The following PTPN13 variants were observed in gnomAD, a reference collection of about 807,000 sequenced individuals.
PTPN13 encodes protein tyrosine phosphatase non-receptor type 13, also known as tyrosine-protein phosphatase non-receptor type 13.
Under a neutral mutation model 284.0 loss-of-function variants are expected in PTPN13, and 191 were observed. That is an observed-to-expected ratio of 0.67 (90% CI 0.60 to 0.76). The LOEUF is 0.76. Among genes scored for constraint, PTPN13 ranks in the 30% least tolerant of loss-of-function variants. The pLI is 0.00. For missense variants in PTPN13, 2,797 were observed against 2,939.9 expected (o/e 0.95, Z 1.12); for synonymous variants, 986 against 1,022.3 (o/e 0.96, Z 0.68).
chr4:86,671,122 G>C (rs1216811347), intron 2 of PTPN13, among the ~76,000 whole-genome samples: 1 of 152,084 alleles, frequency 6.6e-6, no homozygotes, highest in East Asian at 1.9e-4. Context: ...TAAACATGCA[G>C]GTTTTTGACC....
At chr4:86,737,324 C>T (rs1735637324) in intron 15 of PTPN13, among the ~76,000 whole-genome samples, 1 of 151,908 alleles carries the variant, frequency 6.6e-6, no homozygotes, top group South Asian at 2.1e-4. Context: ...TACAGTTCAG[C>T]AATCACCTCC....
chr4:86,630,193 T>G (rs953130178), intron 1 of PTPN13, among the ~76,000 whole-genome samples: 2 of 152,180 alleles, frequency 1.3e-5, no homozygotes, highest in Non-Finnish European at 2.9e-5. Context: ...ATAAACACTT[T>G]AAACTGCATT....
intron 20 of PTPN13, among the ~76,000 whole-genome samples, chr4:86,753,835 T>A (rs1276318811): frequency 6.6e-6 from 1 of 152,112 alleles, no homozygotes; most frequent in African/African-American, 2.4e-5. Context: ...AGTCTTGGAC[T>A]CTTAAAGTTG....
chr4:86,700,311 C>A (rs996886046), intron 6 of PTPN13, among the ~76,000 whole-genome samples: 1 of 152,082 alleles, frequency 6.6e-6, no homozygotes, highest in Admixed American at 6.6e-5. Context: ...ATGAAATCTT[C>A]AGTGTTTATG....
At chr4:86,805,411 T>C in intron 44 of PTPN13, 42 bp downstream of exon 44, 1 of 1,241,628 alleles carries the variant, frequency 8.1e-7, no homozygotes, top group Non-Finnish European at 1.1e-6. Flanking sequence ...GTGATCAGTA[T>C]AATATTAATG....
At chr4:86,801,413 G>A (rs922602635) in intron 42 of PTPN13, among the ~76,000 whole-genome samples, 4 of 152,116 alleles carry the variant, frequency 2.6e-5, no homozygotes, top group African/African-American at 9.7e-5. Context: ...ATAATTTTTT[G>A]TAATGAGTTC....
rs1486470834 is a variant in PTPN13, at chr4:86,809,857, T to C, written c.7172T>C (p.Phe2391Ser). 6.2e-7 allele frequency: 1 copy of C among 1,614,032 alleles called. No homozygotes were observed. Among genetic ancestry groups the C allele is most frequent in the South Asian group, 1.1e-5 (1 of 91,082 alleles). The change falls in exon 46 of 48, where the codon TTT becomes TCT. Residue 2391 changes from phenylalanine (F) to serine (S), a missense_variant. Coordinates refer to ENST00000411767, the MANE Select transcript of PTPN13 (RefSeq NM_080683.3). ...TCTCAACCAGATGATCTGCTTACTT[T>C]TATCTCCTACATGAGACACATCCAC... ...TPSQPDDLLT[F>S]ISYMRHIHRS...
At chr4:86,716,021 A>G (rs1206024796) in intron 7 of PTPN13, among the ~76,000 whole-genome samples, 1 of 152,204 alleles carries the variant, frequency 6.6e-6, no homozygotes, top group African/African-American at 2.4e-5. Flanking sequence ...TTCTGTGTCA[A>G]TATTGGGGTA....
chr4:86,669,616 C>T (rs886254365), intron 2 of PTPN13, among the ~76,000 whole-genome samples: 1 of 152,084 alleles, frequency 6.6e-6, no homozygotes, highest in Non-Finnish European at 1.5e-5. Context: ...CTTTCACCTT[C>T]AGCAGTTCTG....
At chr4:86,792,644 A>G (rs9993492) in intron 40 of PTPN13, among the ~76,000 whole-genome samples, 15,149 of 152,266 alleles carry the variant, frequency 0.099, 875 homozygotes, top group Non-Finnish European at 0.11. Flanking sequence ...GAAGCCCATC[A>G]GAATAACAGC....
intron 2 of PTPN13, among the ~76,000 whole-genome samples, chr4:86,642,126 T>C (rs1723866222): frequency 6.6e-6 from 1 of 152,214 alleles, no homozygotes; most frequent in African/African-American, 2.4e-5. Flanking sequence ...GTCATTGCAA[T>C]AAATTCTGTT....
intron 47 of PTPN13, among the ~76,000 whole-genome samples, chr4:86,813,854 T>C (rs900025449): frequency 2.0e-5 from 3 of 152,140 alleles, no homozygotes; most frequent in African/African-American, 7.2e-5. Flanking sequence ...ACAAAAAATA[T>C]TGTAGTGGCC....
intron 13 of PTPN13, 99 bp downstream of exon 13, chr4:86,734,555 T>A (rs972573156): frequency 1.6e-6 from 2 of 1,274,760 alleles, no homozygotes; most frequent in Non-Finnish European, 2.1e-6. Context: ...TCAATGATAA[T>A]GTCTGCTTTA....
At chr4:86,803,655 C>G (rs1463063680) in intron 42 of PTPN13, 54 bp from the exon 43 acceptor site, 1 of 1,570,198 alleles carries the variant, frequency 6.4e-7, no homozygotes, top group Non-Finnish European at 8.7e-7. Context: ...AATTAGTTCA[C>G]TTAGTTAAAT....
At chr4:86,726,618 G>A (rs1734282860) in intron 10 of PTPN13, among the ~76,000 whole-genome samples, 1 of 149,192 alleles carries the variant, frequency 6.7e-6, no homozygotes, top group Non-Finnish European at 1.5e-5. Context: ...CTGTTTGTCT[G>A]TTATTGGTGT....
intron 40 of PTPN13, among the ~76,000 whole-genome samples, chr4:86,793,540 G>A (rs1388947083): frequency 6.6e-5 from 10 of 152,006 alleles, no homozygotes; most frequent in Admixed American, 2.6e-4. Context: ...CCCCAAATCA[G>A]CAGAATATAC....
chr4:86,671,245 A>G (rs1235774893), intron 2 of PTPN13, among the ~76,000 whole-genome samples: 1 of 152,186 alleles, frequency 6.6e-6, no homozygotes, highest in Admixed American at 6.5e-5. Context: ...CTGATTTAAA[A>G]AAAATTCAGT....
intron 6 of PTPN13, among the ~76,000 whole-genome samples, chr4:86,699,484 C>G (rs1236935686): frequency 6.6e-6 from 1 of 151,932 alleles, no homozygotes; most frequent in African/African-American, 2.4e-5. Flanking sequence ...GGAGTTATGA[C>G]AACACCATCA....
chr4:86,651,421 C>T (rs1428217773), intron 2 of PTPN13, among the ~76,000 whole-genome samples: 1 of 151,862 alleles, frequency 6.6e-6, no homozygotes, highest in Non-Finnish European at 1.5e-5. Flanking sequence ...CTCCCTCCGT[C>T]CTTCCCTCCC....
Sources: allele counts gnomAD v4.1 joint callset (sites outside exome capture counted in the v4.1 genomes callset), GRCh38; gene constraint gnomAD v4.1.1; transcripts MANE v1.5; gene names NCBI Gene and HGNC (gene_info 2026-07-23, HGNC 2026-07-21).